PDE10A: variants seen among roughly 807,000 people sequenced by gnomAD.
PDE10A encodes phosphodiesterase 10A.
Under a neutral mutation model 97.7 loss-of-function variants are expected in PDE10A, and 39 were observed. That is an observed-to-expected ratio of 0.40 (90% CI 0.31 to 0.52). The LOEUF is 0.52. PDE10A is among the 20% of genes least tolerant of loss of function. The pLI, the probability that PDE10A is intolerant of heterozygous loss-of-function variation, is 0.56. For synonymous variants in PDE10A, 371 were observed against 376.8 expected, an observed-to-expected ratio of 0.98 and a Z score of 0.18; for missense variants, 731 against 1,047.8, an observed-to-expected ratio of 0.70 and a Z score of 4.17.
intron 19 of PDE10A, 30 bp downstream of exon 19, chr6:165,343,361 T>C (rs772980378): frequency 1.5e-6 from 2 of 1,378,890 alleles, no homozygotes; most frequent in Non-Finnish European, 2.1e-6. Flanking sequence ...CTCCTCACTA[T>C]CTATGTCAAT....
At chr6:165,939,781 T>C (rs991771520) in intron 1 of PDE10A, 2 of 152,184 alleles carry the variant, frequency 1.3e-5, no homozygotes, top group Admixed American at 6.5e-5. Context: ...CTTACACAAC[T>C]CCTAGCCTGC....
At chr6:165,353,924 A>G (rs1388979667) in intron 18 of PDE10A, among the ~76,000 whole-genome samples, 3 of 152,232 alleles carry the variant, frequency 2.0e-5, no homozygotes, top group Admixed American at 6.5e-5. Flanking sequence ...TAAATGTACT[A>G]TTCTGGTGCA....
At position 165,495,658 on chromosome 6, in the gene PDE10A, A is replaced by G. The variant is rs9459426; in HGVS notation, c.995-13315T>C. The stretch of plus-strand genomic sequence containing the variant: ...AGAAAACTCTCATTCTTACAAAATA[A>G]TAAATTCCTTTGCTCTAATCTGGTT... On this transcript the variant is annotated intron_variant, in intron 2 of 21. Coordinates refer to ENST00000539869, the MANE Select transcript of PDE10A (RefSeq NM_001385079.1). 2.2e-3 allele frequency among the ~76,000 whole-genome samples: 340 copies of G among 152,280 alleles called. 2 individuals carry two copies. Among genetic ancestry groups the G allele is most frequent in the African/African-American group, 7.9e-3 (329 of 41,552 alleles).
chr6:165,779,169 TG>T (rs1229648190), intron 1 of PDE10A, among the ~76,000 whole-genome samples: 1 of 152,228 alleles, frequency 6.6e-6, no homozygotes, highest in Non-Finnish European at 1.5e-5. Flanking sequence ...TAGGAATTGA[TG>T]GTGTGAGGTA....
At chr6:165,965,873 T>C (rs969586905) in intron 1 of PDE10A, among the ~76,000 whole-genome samples, 4 of 152,186 alleles carry the variant, frequency 2.6e-5, no homozygotes, top group Non-Finnish European at 4.4e-5. Flanking sequence ...GAACAAACCA[T>C]GGTGGATGTT....
intron 1 of PDE10A, chr6:165,576,309 T>C (rs1223684487): frequency 1.4e-6 from 1 of 709,242 alleles, no homozygotes; most frequent in African/African-American, 1.8e-5. Context: ...ATAATTTTAA[T>C]GAATTGGCAG....
At chr6:165,377,229 A>G (rs748439151) in intron 18 of PDE10A, among the ~76,000 whole-genome samples, 1 of 152,132 alleles carries the variant, frequency 6.6e-6, no homozygotes, top group East Asian at 1.9e-4. Flanking sequence ...TTTACAATAC[A>G]TCTGAGTTAT....
chr6:165,645,853 CA>C (rs57923490), intron 1 of PDE10A, among the ~76,000 whole-genome samples: 17,928 of 101,250 alleles, frequency 0.18, 2,204 homozygotes, highest in African/African-American at 0.39. Flanking sequence ...GACTCCATCT[CA>C]AAAAAAAAAA....
chr6:165,882,644 C>T (rs755793589), intron 1 of PDE10A, among the ~76,000 whole-genome samples: 13 of 152,098 alleles, frequency 8.5e-5, no homozygotes, highest in Non-Finnish European at 1.9e-4. Flanking sequence ...GGCAGCATTT[C>T]CACACAGTAT....
intron 1 of PDE10A, among the ~76,000 whole-genome samples, chr6:165,805,472 C>T (rs1779109312): frequency 6.6e-6 from 1 of 152,174 alleles, no homozygotes; most frequent in East Asian, 1.9e-4. Context: ...ACAAAGGGGC[C>T]TCTCCCAGCC....
At chr6:165,337,172 A>G (rs3799147) in intron 20 of PDE10A, among the ~76,000 whole-genome samples, 1,637 of 152,288 alleles carry the variant, frequency 0.011, 98 homozygotes, top group Admixed American at 0.09. Context: ...ATATTTTATT[A>G]GGAATTCTGG....
At chr6:165,768,428 G>A (rs188994274) in intron 1 of PDE10A, among the ~76,000 whole-genome samples, 1 of 152,058 alleles carries the variant, frequency 6.6e-6, no homozygotes, top group African/African-American at 2.4e-5. Context: ...TTAGGCCTTT[G>A]ATCTATTTTG....
At chr6:165,958,710 A>AAGAAAGAG (rs1459102136) in intron 1 of PDE10A, among the ~76,000 whole-genome samples, 4 of 128,050 alleles carry the variant, frequency 3.1e-5, no homozygotes, top group Admixed American at 1.5e-4. Flanking sequence ...GAAAGAAAGA[A>AAGAAAGAG]AGAGAGAAGA....
At chr6:165,412,642 C>G (rs1307493398) in intron 13 of PDE10A, among the ~76,000 whole-genome samples, 1 of 151,870 alleles carries the variant, frequency 6.6e-6, no homozygotes, top group African/African-American at 2.4e-5. Context: ...AAACGGTTAC[C>G]CTCGGTCACC....
intron 5 of PDE10A, among the ~76,000 whole-genome samples, chr6:165,437,990 G>C (rs1043399123): frequency 6.6e-6 from 1 of 152,132 alleles, no homozygotes; most frequent in Non-Finnish European, 1.5e-5. Flanking sequence ...GTAGCTACCT[G>C]TTATAAATAT....
At chr6:165,486,205 CG>C (rs1562512110) in intron 2 of PDE10A, among the ~76,000 whole-genome samples, 1 of 152,108 alleles carries the variant, frequency 6.6e-6, no homozygotes. Flanking sequence ...ATATATTTTT[CG>C]GGGGGATGTG....
At chr6:165,722,520 C>T (rs959581260) in intron 1 of PDE10A, among the ~76,000 whole-genome samples, 3 of 152,118 alleles carry the variant, frequency 2.0e-5, no homozygotes, top group African/African-American at 7.2e-5. Context: ...AAATAAGGCA[C>T]AACAGGAGAT....
Position 165,947,552 on chromosome 6 carries a change from T to C in PDE10A, c.-615+39977A>G, listed in dbSNP as rs186652877. On this transcript the variant is annotated intron_variant, in intron 1 of 19. Coordinates refer to the PDE10A transcript ENST00000366882. ...CTCATTATCCCCAGTGCAGTTCATA[T>C]TGGAAAGAGAGGGTAAATAATGATT... 1.3e-3 allele frequency among the ~76,000 whole-genome samples: 205 copies of C among 152,296 alleles called. 3 individuals carry two copies. Among genetic ancestry groups the C allele is most frequent in the Non-Finnish European group, 9.7e-4 (66 of 68,024 alleles).
intron 1 of PDE10A, among the ~76,000 whole-genome samples, chr6:165,929,576 G>A (rs1042879838): frequency 4.6e-5 from 7 of 152,230 alleles, no homozygotes; most frequent in Non-Finnish European, 8.8e-5. Flanking sequence ...CCATGCCCCA[G>A]CTAGCAGCCC....
Sources: allele counts gnomAD v4.1 joint callset (sites outside exome capture counted in the v4.1 genomes callset), GRCh38; gene constraint gnomAD v4.1.1; transcripts MANE v1.5; gene names NCBI Gene and HGNC (gene_info 2026-07-23, HGNC 2026-07-21).